The following KCNK1 variants were observed in gnomAD, a reference collection of about 807,000 sequenced individuals.
KCNK1 encodes the protein potassium channel subfamily K member 1.
Under a neutral mutation model 22.2 loss-of-function variants are expected in KCNK1, and 10 were observed. The observed-to-expected ratio is 0.45, with a 90% CI of 0.28 to 0.76. The LOEUF (loss-of-function observed/expected upper bound fraction) is 0.76. Among genes scored for constraint, KCNK1 ranks in the 30% least tolerant of loss-of-function variants. KCNK1 has a pLI of 0.14. For missense variants in KCNK1, 378 were observed against 421.0 expected, an observed-to-expected ratio of 0.90 and a Z score of 0.89; for synonymous variants, 200 against 186.4, an observed-to-expected ratio of 1.07 and a Z score of -0.60.
At position 233,671,714 on chromosome 1, in the gene KCNK1, C is replaced by A; in HGVS notation, c.*184C>A. On this transcript the variant is annotated 3_prime_UTR_variant, in exon 3 of 3. Transcript: ENST00000366621. ...AAATGGAACAAAGAAGCTGTGACCC[C>A]AGCAGGATGTCTAATATGTGAGGAA... 1 of 676,300 alleles carries A rather than the reference C, an allele frequency of 1.5e-6. No individual in the cohort carries two copies. The highest frequency in any genetic ancestry group is 2.4e-6 in the Non-Finnish European group (1 of 409,786). The allele number at this position is 676,300 out of a possible 1,614,324, so 41.9% of individuals were successfully genotyped here.
At chr1:233,617,593 G>A (rs1473150688) in intron 1 of KCNK1, among the ~76,000 whole-genome samples, 1 of 152,190 alleles carries the variant, frequency 6.6e-6, no homozygotes, top group Non-Finnish European at 1.5e-5. Context: ...CAGTTGTGTA[G>A]ACGAATGATT....
intron 1 of KCNK1, among the ~76,000 whole-genome samples, chr1:233,618,280 G>A (rs923954347): frequency 3.3e-5 from 5 of 151,956 alleles, no homozygotes; most frequent in African/African-American, 1.2e-4. Flanking sequence ...GAGAATGAGT[G>A]AAACACTGCA....
intron 1 of KCNK1, chr1:233,655,786 C>T (rs1047827115): frequency 6.5e-6 from 1 of 153,064 alleles, no homozygotes; most frequent in South Asian, 1.8e-4. Context: ...TCAGAGACTT[C>T]CCAGCCACTA....
chr1:233,660,523 G>A (rs1283788211), intron 1 of KCNK1: 1 of 152,116 alleles, frequency 6.6e-6, no homozygotes, highest in East Asian at 1.9e-4. Flanking sequence ...GTTCATCTAT[G>A]TGGCTCCAAA....
intron 1 of KCNK1, among the ~76,000 whole-genome samples, chr1:233,655,540 C>T (rs989632312): frequency 6.6e-6 from 1 of 152,156 alleles, no homozygotes; most frequent in Non-Finnish European, 1.5e-5. Context: ...GTGTTTGTGT[C>T]TCTCCCAAAT....
chr1:233,619,607 C>T (rs979090028), intron 1 of KCNK1, among the ~76,000 whole-genome samples: 14 of 152,096 alleles, frequency 9.2e-5, no homozygotes, highest in East Asian at 3.9e-4. Flanking sequence ...ATACTTGTTG[C>T]GCTTTTAGAA....
Position 233,648,928 on chromosome 1 carries a change from A to G in KCNK1, c.356-17667A>G, listed in dbSNP as rs185787900. ...TTGTGGGTACAGGGGCCCTTGCTCC[A>G]TACCTTCTTTATTCTGGGACCAAGC... On this transcript the variant is annotated intron_variant, in intron 1 of 2. Transcript: ENST00000366621. Among the ~76,000 whole-genome samples, 33 of 152,232 alleles carry G rather than the reference A, an allele frequency of 2.2e-4. No homozygotes were observed. The East Asian group carries it at 6.2e-3, about 29-fold the overall frequency.
intron 1 of KCNK1, 105 bp downstream of exon 1, chr1:233,614,631 C>T: frequency 1.2e-6 from 1 of 839,130 alleles, no homozygotes; most frequent in Non-Finnish European, 1.8e-6. Context: ...ACCCCACCCC[C>T]CACCTTTCGC....
At chr1:233,616,300 G>A (rs892787778) in intron 1 of KCNK1, among the ~76,000 whole-genome samples, 1 of 152,112 alleles carries the variant, frequency 6.6e-6, no homozygotes, top group African/African-American at 2.4e-5. Context: ...ACAGTTTTGA[G>A]GAAAAAGGTT....
At chr1:233,665,032 T>C (rs942082809) in intron 1 of KCNK1, among the ~76,000 whole-genome samples, 4 of 152,346 alleles carry the variant, frequency 2.6e-5, no homozygotes, top group Admixed American at 1.3e-4. Flanking sequence ...CTGTTGGCGT[T>C]GGTTGGATGA....
At chr1:233,652,005 G>T (rs1558116697) in intron 1 of KCNK1, among the ~76,000 whole-genome samples, 1 of 152,208 alleles carries the variant, frequency 6.6e-6, no homozygotes, top group Non-Finnish European at 1.5e-5. Flanking sequence ...GAACAAAGGT[G>T]ATGAGGCAAC....
chr1:233,614,520 A>T lies in KCNK1; in HGVS notation c.349A>T (p.Thr117Ser). 1 of 1,590,804 alleles carries T rather than the reference A, an allele frequency of 6.3e-7. No homozygotes were observed. The highest frequency in any genetic ancestry group is 1.1e-5 in the South Asian group (1 of 87,310). The change falls in exon 1 of 3, where the codon ACC becomes TCC. Residue 117 changes from threonine to serine, a missense_variant. Thr to Ser is a moderately conservative substitution (Grantham distance 58). Transcript: ENST00000366621. ...ALFFASTVLS[T>S]TGYGHTVPLS... Reference sequence around the variant, plus strand: ...CTTCTTCGCCAGCACCGTGCTCTCCACCACAGGTAGGGTATCCTGCGCGCC... The same window carrying T: ...CTTCTTCGCCAGCACCGTGCTCTCCTCCACAGGTAGGGTATCCTGCGCGCC...
At chr1:233,648,550 T>G (rs77310816) in intron 1 of KCNK1, among the ~76,000 whole-genome samples, 2,531 of 152,044 alleles carry the variant, frequency 0.017, 24 homozygotes, top group African/African-American at 0.023. Context: ...TCTCTTTCTT[T>G]CTTGCTTGCT....
chr1:233,657,679 GAGAA>G (rs745305854), intron 1 of KCNK1, among the ~76,000 whole-genome samples: 3 of 149,228 alleles, frequency 2.0e-5, no homozygotes, highest in Admixed American at 6.8e-5. Context: ...AAGAAAGAAA[GAGAA>G]AGAAAAGAAA....
intron 1 of KCNK1, among the ~76,000 whole-genome samples, chr1:233,635,283 C>T (rs891514353): frequency 3.9e-5 from 6 of 152,164 alleles, no homozygotes; most frequent in East Asian, 1.9e-4. Flanking sequence ...AATGATATTT[C>T]GCTAGAAAAT....
chr1:233,634,362 T>C (rs891526217), intron 1 of KCNK1, among the ~76,000 whole-genome samples: 1 of 152,018 alleles, frequency 6.6e-6, no homozygotes, highest in African/African-American at 2.4e-5. Context: ...TGGTATAGCT[T>C]TTCAGGTTCT....
Position 233,614,169 on chromosome 1 carries a change from A to G in KCNK1, c.-3A>G. On this transcript the variant is annotated 5_prime_UTR_variant, in exon 1 of 3. Transcript: ENST00000366621. ...GTTGGCCTTGGCGGCGGCGGTGGAG[A>G]AGATGCTGCAGTCCCTGGCCGGCAG... 1 of 1,395,940 alleles carries G rather than the reference A, an allele frequency of 7.2e-7. No homozygotes were observed. Among genetic ancestry groups the G allele is most frequent in the Non-Finnish European group, 9.6e-7 (1 of 1,042,968 alleles). 86.5% of individuals were successfully genotyped at this position (1,395,940 alleles called of 1,614,324 possible). A position where few individuals can be genotyped will look rare whatever the true frequency, so the allele number is the denominator to read the frequency against.
At chr1:233,656,288 G>C (rs1433133972) in intron 1 of KCNK1, among the ~76,000 whole-genome samples, 1 of 152,204 alleles carries the variant, frequency 6.6e-6, no homozygotes, top group Non-Finnish European at 1.5e-5. Flanking sequence ...GAGAAATGTT[G>C]CATATTGCTC....
At chr1:233,635,934 G>A (rs1657889144) in intron 1 of KCNK1, among the ~76,000 whole-genome samples, 1 of 152,232 alleles carries the variant, frequency 6.6e-6, no homozygotes, top group South Asian at 2.1e-4. Flanking sequence ...AGTGACTTGG[G>A]TAGGCTTCTC....
Sources: gnomAD v4.1 joint callset for allele counts (sites outside exome capture counted in the v4.1 genomes callset) on GRCh38, gnomAD v4.1.1 for gene constraint, MANE v1.5 for transcripts, NCBI Gene and HGNC (gene_info 2026-07-23, HGNC 2026-07-21) for gene names.